CCAR1: variants seen among roughly 807,000 people sequenced by gnomAD.
CCAR1 encodes cell division cycle and apoptosis regulator protein 1.
A neutral mutation model predicts 163.8 loss-of-function variants in CCAR1; 78 were observed. The observed-to-expected ratio is 0.48, with a 90% confidence interval of 0.40 to 0.57. The LOEUF is 0.57. CCAR1 is among the 20% of genes least tolerant of loss of function. The pLI, the probability that CCAR1 is intolerant of heterozygous loss-of-function variation, is 0.00. For missense variants in CCAR1, 1,019 were observed against 1,365.2 expected, an observed-to-expected ratio of 0.75 and a Z score of 4.00; for synonymous variants, 443 against 460.7, an observed-to-expected ratio of 0.96 and a Z score of 0.49.
At position 68,753,818 on chromosome 10, in the gene CCAR1, G is replaced by C. The variant is rs375479322; in HGVS notation, c.1119-34G>C. ...ATGTTTGTGTAACCTTTTTTATTAA[G>C]GCTATTTATTCACTACTTATGTCTG... On this transcript the variant is annotated intron_variant, in intron 10 of 24. Transcript: ENST00000265872. 4.3e-6 allele frequency: 6 copies of C among 1,402,312 alleles called. No individual in the cohort carries two copies. The African/African-American group carries it at 7.2e-5, about 17-fold the overall frequency. 86.9% of individuals were successfully genotyped at this position (1,402,312 alleles called of 1,614,324 possible).
rs191232617 is a variant in CCAR1 at position 68,754,166 on chromosome 10, T to C, written c.1344+89T>C. The C allele has an allele frequency of 3.0e-5, 27 of 901,212 alleles. No individual in the cohort carries two copies. The African/African-American group carries it at 4.0e-4, about 13-fold the overall frequency. 55.8% of individuals were successfully genotyped at this position (901,212 alleles called of 1,614,324 possible). A position where few individuals can be genotyped will look rare whatever the true frequency, so the allele number is the denominator to read the frequency against. ...GTAGAATTATCCTTCAGAAAGTGTT[T>C]GTTAGGTAGACCCGAATACCTGTTT... On this transcript the variant is annotated intron_variant, in intron 11 of 24. Coordinates refer to ENST00000265872, the MANE Select transcript of CCAR1 (RefSeq NM_018237.4).
intron 19 of CCAR1, among the ~76,000 whole-genome samples, chr10:68,777,869 T>C (rs2056687293): frequency 6.6e-6 from 1 of 151,644 alleles, no homozygotes; most frequent in Non-Finnish European, 1.5e-5. Flanking sequence ...GAGGCGGAGG[T>C]TGCAGTGAGC....
intron 6 of CCAR1, among the ~76,000 whole-genome samples, chr10:68,745,828 G>A (rs944584671): frequency 2.0e-5 from 3 of 151,568 alleles, no homozygotes; most frequent in Admixed American, 2.0e-4. Context: ...TAAATTTTTT[G>A]TAGAAATGTG....
chr10:68,787,146 C>G (rs188698856), intron 21 of CCAR1, among the ~76,000 whole-genome samples: 1 of 152,142 alleles, frequency 6.6e-6, no homozygotes, highest in Admixed American at 6.6e-5. Flanking sequence ...TTCTCCCTCT[C>G]CCTCTGTTTC....
intron 21 of CCAR1, 95 bp downstream of exon 21, chr10:68,786,787 A>G: frequency 1.7e-6 from 2 of 1,145,462 alleles, no homozygotes; most frequent in Non-Finnish European, 2.5e-6. Context: ...TTTTTGATAT[A>G]TTAAAGCAAT....
At chr10:68,725,469 T>C (rs990534297) in intron 2 of CCAR1, among the ~76,000 whole-genome samples, 2 of 152,060 alleles carry the variant, frequency 1.3e-5, no homozygotes, top group Non-Finnish European at 2.9e-5. Flanking sequence ...ATTGAAGCTT[T>C]AAATTCTTCC....
chr10:68,745,216 C>T (rs2056236889), intron 6 of CCAR1, among the ~76,000 whole-genome samples: 1 of 152,044 alleles, frequency 6.6e-6, no homozygotes, highest in South Asian at 2.1e-4. Context: ...CCGTGTTGGT[C>T]AGGCTGGTCT....
chr10:68,733,262 T>C (rs1402850502), intron 2 of CCAR1, among the ~76,000 whole-genome samples: 2 of 151,370 alleles, frequency 1.3e-5, no homozygotes, highest in Non-Finnish European at 2.9e-5. Context: ...CTATCAAAAA[T>C]TAGTCAGGCA....
intron 1 of CCAR1, among the ~76,000 whole-genome samples, chr10:68,721,897 T>G (rs1242563740): frequency 1.3e-5 from 2 of 152,144 alleles, no homozygotes; most frequent in Non-Finnish European, 2.9e-5. Context: ...TTAAGGGACA[T>G]CCATTATCTC....
chr10:68,723,080 G>A (rs1025850596), intron 2 of CCAR1, among the ~76,000 whole-genome samples: 18 of 151,174 alleles, frequency 1.2e-4, no homozygotes, highest in Admixed American at 1.3e-4. Flanking sequence ...GGACAGTTTT[G>A]TAGTTTTTTT....
intron 20 of CCAR1, 95 bp downstream of exon 20, chr10:68,786,313 T>G (rs1223251658): frequency 1.2e-5 from 11 of 906,342 alleles, no homozygotes; most frequent in Non-Finnish European, 1.8e-5. Flanking sequence ...TTATACATCT[T>G]TATTACCACT....
At chr10:68,721,951 T>G (rs1223266061) in intron 1 of CCAR1, among the ~76,000 whole-genome samples, 2 of 152,108 alleles carry the variant, frequency 1.3e-5, no homozygotes, top group African/African-American at 4.8e-5. Flanking sequence ...AGAAGCCCCC[T>G]AGGTTCCTTT....
At chr10:68,790,355 A>T (rs1359138732) in intron 24 of CCAR1, among the ~76,000 whole-genome samples, 1 of 133,968 alleles carries the variant, frequency 7.5e-6, no homozygotes, top group African/African-American at 2.8e-5. Context: ...ACCCCATCTT[A>T]AAAAAAAAAA....
Position 68,749,105 on chromosome 10 carries a change from G to A in CCAR1, c.827-31G>A, listed in dbSNP as rs767054244. 8 of 1,612,572 alleles carry A rather than the reference G, an allele frequency of 5.0e-6. No homozygotes were observed. The Admixed American group carries it at 5.0e-5, about 10-fold the overall frequency. ...ATGCCTTCGAACTTTGTTTAGACAC[G>A]CTAAACGTTTTTTTCTTTTATCTTT... On this transcript the variant is annotated intron_variant, in intron 8 of 24. Transcript: ENST00000265872.
chr10:68,777,335 C>G (rs1382461734), intron 19 of CCAR1, among the ~76,000 whole-genome samples: 4 of 152,118 alleles, frequency 2.6e-5, no homozygotes, highest in Non-Finnish European at 5.9e-5. Flanking sequence ...TTATTTCATT[C>G]TTTTGTTCAA....
Position 68,769,196 on chromosome 10 carries a change from G to A in CCAR1, c.2299-2010G>A, listed in dbSNP as rs765662588. Among the ~76,000 whole-genome samples, 3 of 152,130 alleles carry A rather than the reference G, an allele frequency of 2.0e-5. No homozygotes were observed. The East Asian group carries it at 5.8e-4, about 29-fold the overall frequency. Reference sequence around the variant, plus strand: ...TCACCATGTTGACCAGGCTGGTCTCGAAGTCCCGACCTCGTGATCCACCCA... The same window carrying A: ...TCACCATGTTGACCAGGCTGGTCTCAAAGTCCCGACCTCGTGATCCACCCA... On this transcript the variant is annotated intron_variant, in intron 17 of 24. Transcript: ENST00000265872.
At chr10:68,777,959 G>T (rs1272658599) in intron 19 of CCAR1, among the ~76,000 whole-genome samples, 1 of 152,108 alleles carries the variant, frequency 6.6e-6, no homozygotes, top group Non-Finnish European at 1.5e-5. Flanking sequence ...GGTGGCTCAT[G>T]CCTGTAATCC....
Position 68,747,557 on chromosome 10 carries a change from C to T in CCAR1, c.817C>T (p.Gln273Ter). 1 of 1,608,644 alleles carries T rather than the reference C, an allele frequency of 6.2e-7. No individual in the cohort carries two copies. The highest frequency in any genetic ancestry group is 8.5e-7 in the Non-Finnish European group (1 of 1,177,922). Residue 273 changes from glutamine (Q) to a stop codon, truncating the protein, a stop_gained, in exon 8 of 25, where the codon CAG becomes TAG. Transcript: ENST00000265872. LOFTEE classifies it high-confidence loss of function. ...TQPQPLLQQPQQKAGLLQPPV... is the reference protein window; with the variant it reads ...TQPQPLLQQP ...ACCACAGCCCTTATTACAGCAGCCTCAGCAAAAAGGTATCTTTGCTTTTGT... is the reference window on the plus strand; with the variant it reads ...ACCACAGCCCTTATTACAGCAGCCTTAGCAAAAAGGTATCTTTGCTTTTGT...
chr10:68,743,207 T>C lies in CCAR1; in HGVS notation c.518+638T>C, dbSNP rs1275428533. Among the ~76,000 whole-genome samples the C allele has an allele frequency of 8.6e-5, 13 of 151,650 alleles. No individual in the cohort carries two copies. The East Asian group carries it at 2.5e-3, about 29-fold the overall frequency. ...TTCTTTCTTTTTCTTTTTCTTTTTT[T>C]TTTTTTTGAGACAGCGCCTCACTCT... On this transcript the variant is annotated intron_variant, in intron 6 of 24. Coordinates refer to ENST00000265872, the MANE Select transcript of CCAR1 (RefSeq NM_018237.4).
Sources: gnomAD v4.1 joint callset for allele counts (sites outside exome capture counted in the v4.1 genomes callset) on GRCh38, gnomAD v4.1.1 for gene constraint, MANE v1.5 for transcripts, NCBI Gene and HGNC (gene_info 2026-07-23, HGNC 2026-07-21) for gene names.